CDK19: variants seen among roughly 807,000 people sequenced by gnomAD.
CDK19 encodes the protein cyclin-dependent kinase 19.
A neutral mutation model predicts 68.3 loss-of-function variants in CDK19; 20 were observed. The ratio of observed to expected loss-of-function variants is 0.29; its 90% CI spans 0.21 to 0.43. The LOEUF (loss-of-function observed/expected upper bound fraction) is 0.43, where lower values mean the gene tolerates loss of function less well. CDK19 is among the 20% of genes least tolerant of loss of function. The probability of loss-of-function intolerance (pLI) is 1.00; values close to 1 mark genes in which losing one functional copy is unlikely to be tolerated. For synonymous variants in CDK19, 221 were observed against 222.8 expected (o/e 0.99, Z 0.07); for missense variants, 339 against 623.5 (o/e 0.54, Z 4.86).
intron 4 of CDK19, among the ~76,000 whole-genome samples, chr6:110,646,723 T>C (rs1337217354): frequency 5.3e-5 from 8 of 152,130 alleles, no homozygotes; most frequent in Non-Finnish European, 2.9e-5. Context: ...TCGATGCAGT[T>C]AACCCACCTC....
chr6:110,792,652 C>T (rs1233753880), intron 1 of CDK19, among the ~76,000 whole-genome samples: 1 of 152,218 alleles, frequency 6.6e-6, no homozygotes, highest in Non-Finnish European at 1.5e-5. Context: ...GGTGATCCAC[C>T]CGCCGCGACA....
chr6:110,772,183 A>C (rs1464048557), intron 1 of CDK19, among the ~76,000 whole-genome samples: 1 of 152,194 alleles, frequency 6.6e-6, no homozygotes, highest in Non-Finnish European at 1.5e-5. Context: ...GATTGGGAAG[A>C]AAAAGAGGTT....
At chr6:110,719,819 C>T (rs1775689884) in intron 2 of CDK19, among the ~76,000 whole-genome samples, 1 of 152,096 alleles carries the variant, frequency 6.6e-6, no homozygotes, top group Non-Finnish European at 1.5e-5. Context: ...CAACTTCCGC[C>T]TCCCAGGTTC....
At chr6:110,737,293 C>A (rs1298664771) in intron 2 of CDK19, among the ~76,000 whole-genome samples, 1 of 152,174 alleles carries the variant, frequency 6.6e-6, no homozygotes, top group Non-Finnish European at 1.5e-5. Flanking sequence ...TCAAACTGTT[C>A]CTTCTCACAA....
rs113544460 is a variant in CDK19, at chr6:110,684,439, T to TGG, written c.205-13900_205-13899dup. 6.7e-5 allele frequency among the ~76,000 whole-genome samples: 7 copies of TGG among 105,244 alleles called. No homozygotes were observed. The East Asian group carries it at 1.6e-3, about 23-fold the overall frequency. The allele number at this position is 105,244 out of a possible 152,430, so 69.0% of individuals were successfully genotyped here. On this transcript the variant is annotated intron_variant, in intron 2 of 12. Coordinates refer to ENST00000368911, the MANE Select transcript of CDK19 (RefSeq NM_015076.5). ...CTCTCCTTGAAATAGAATGGTGGGGTGGGGGGTGGGGAATAAGGGGTGGGG... is the reference window on the plus strand; with the variant it reads ...CTCTCCTTGAAATAGAATGGTGGGGTGGGGGGGGTGGGGAATAAGGGGTGGGG...
At chr6:110,633,546 T>G (rs902469876) in intron 5 of CDK19, among the ~76,000 whole-genome samples, 1 of 152,170 alleles carries the variant, frequency 6.6e-6, no homozygotes, top group African/African-American at 2.4e-5. Context: ...AAAAGATAAT[T>G]TGTTATAATT....
intron 1 of CDK19, among the ~76,000 whole-genome samples, chr6:110,804,606 A>G: frequency 6.8e-6 from 1 of 147,450 alleles, no homozygotes; most frequent in African/African-American, 2.5e-5. Context: ...TCGGCCTCCC[A>G]AAGTGCTGGG....
intron 1 of CDK19, among the ~76,000 whole-genome samples, chr6:110,769,577 AAATAAT>A (rs768751177): frequency 0.015 from 2,157 of 146,328 alleles, 34 homozygotes; most frequent in Non-Finnish European, 0.023. Context: ...AAAAAAAAAA[AAATAAT>A]AATAATAATA....
chr6:110,799,144 T>TAAAAAAAA, intron 1 of CDK19, among the ~76,000 whole-genome samples: 1 of 49,136 alleles, frequency 2.0e-5, no homozygotes, highest in Non-Finnish European at 3.4e-5. Context: ...ACCCTGTATT[T>TAAAAAAAA]AAAAAAAAAA....
At chr6:110,614,773 G>T in intron 12 of CDK19, 107 bp from the exon 13 acceptor site, 1 of 1,118,566 alleles carries the variant, frequency 8.9e-7, no homozygotes, top group Non-Finnish European at 1.3e-6. Context: ...TAGGTTCCTG[G>T]TTCAGACACA....
At chr6:110,787,355 C>T (rs932412431) in intron 1 of CDK19, among the ~76,000 whole-genome samples, 2 of 150,122 alleles carry the variant, frequency 1.3e-5, no homozygotes, top group African/African-American at 4.9e-5. Context: ...GCTTGGGTGA[C>T]AGAGCAAGGC....
chr6:110,661,439 C>T (rs1417043089), intron 4 of CDK19, among the ~76,000 whole-genome samples: 5 of 119,090 alleles, frequency 4.2e-5, no homozygotes, highest in South Asian at 3.3e-4. Flanking sequence ...TGCAACATTT[C>T]TTTTTTATTT....
intron 2 of CDK19, among the ~76,000 whole-genome samples, chr6:110,683,281 G>T (rs1772173988): frequency 6.6e-6 from 1 of 151,296 alleles, no homozygotes; most frequent in Non-Finnish European, 1.5e-5. Flanking sequence ...CTATTTGCAA[G>T]AATGTTATGA....
Position 110,640,224 on chromosome 6 carries a change from CCT to C in CDK19, c.457-1520_457-1519del, listed in dbSNP as rs1197295911. ...TCCAGGCTGGGTGACAGAGCAAGAC[CCT>C]GTCACAAAAAAAAAAAAAAAAAAAA... is the stretch of plus-strand genomic sequence containing the variant. On this transcript the variant is annotated intron_variant, in intron 4 of 12. Transcript: ENST00000368911. 4.5e-5 allele frequency among the ~76,000 whole-genome samples: 5 copies of C among 111,876 alleles called. No homozygotes were observed. The East Asian group carries it at 1.3e-3, about 28-fold the overall frequency. The allele number at this position is 111,876 out of a possible 152,430, so 73.4% of individuals were successfully genotyped here. A position where few individuals can be genotyped will look rare whatever the true frequency, so the allele number is the denominator to read the frequency against.
At chr6:110,717,828 C>G (rs970723412) in intron 2 of CDK19, among the ~76,000 whole-genome samples, 2 of 152,038 alleles carry the variant, frequency 1.3e-5, no homozygotes, top group Non-Finnish European at 2.9e-5. Context: ...CAGCCTCCCA[C>G]GTAGCTGGGA....
rs542957192 is a variant in CDK19 at position 110,803,370 on chromosome 6, C to T, written c.128+11639G>A. Among the ~76,000 whole-genome samples, 28 of 152,332 alleles carry T rather than the reference C, an allele frequency of 1.8e-4. 1 individual carries two copies. In the East Asian group the frequency reaches 2.7e-3, roughly 15 times the overall value. ...CTGGGATTACAGGCGTGAGCCACCGCGTCCAGCCTAGACTTTTACTTTTCA... is the reference window on the plus strand; with the variant it reads ...CTGGGATTACAGGCGTGAGCCACCGTGTCCAGCCTAGACTTTTACTTTTCA... On this transcript the variant is annotated intron_variant, in intron 1 of 12. Coordinates refer to ENST00000368911, the MANE Select transcript of CDK19 (RefSeq NM_015076.5).
At chr6:110,627,367 C>T (rs868850757) in intron 6 of CDK19, among the ~76,000 whole-genome samples, 16 of 151,190 alleles carry the variant, frequency 1.1e-4, no homozygotes, top group Middle Eastern at 3.4e-3. Flanking sequence ...TATATATATA[C>T]ATGACATGAA....
Position 110,626,785 on chromosome 6 carries a change from C to T in CDK19, c.851G>A (p.Arg284Lys), listed in dbSNP as rs1779116057. 1 of 1,571,348 alleles carries T rather than the reference C, an allele frequency of 6.4e-7. No individual in the cohort carries two copies. The highest frequency in any genetic ancestry group is 8.7e-7 in the Non-Finnish European group (1 of 1,150,574). Reference sequence around the variant, plus strand: ...GTGTGGAATTACTTACGTTGTTCTTCTAAAGTCTTTTTGAAGTGTGGGATA... The same window carrying T: ...GTGTGGAATTACTTACGTTGTTCTTTTAAAGTCTTTTTGAAGTGTGGGATA... ...PEYPTLQKDF[R>K]RTTYANSSLI... Residue 284 changes from arginine to lysine, a missense_variant, in exon 8 of 13, where the codon AGA (arginine) becomes AAA (lysine). Physicochemically the swap from Arg to Lys is conservative, Grantham distance 26 (BLOSUM62 2). Transcript: ENST00000368911.
chr6:110,798,646 A>AG (rs1314515688), intron 1 of CDK19, among the ~76,000 whole-genome samples: 1 of 148,984 alleles, frequency 6.7e-6, no homozygotes, highest in African/African-American at 2.5e-5. Context: ...AAAAAAAAAA[A>AG]AAAGAAAGAA....
Sources: allele counts gnomAD v4.1 joint callset (sites outside exome capture counted in the v4.1 genomes callset), GRCh38; gene constraint gnomAD v4.1.1; transcripts MANE v1.5; gene names NCBI Gene and HGNC (gene_info 2026-07-23, HGNC 2026-07-21).